The following SBF2 variants were observed in gnomAD, a reference collection of about 807,000 sequenced individuals.
SBF2 encodes the protein myotubularin-related protein 13.
A neutral mutation model predicts 225.2 loss-of-function variants in SBF2; 112 were observed. The ratio of observed to expected loss-of-function variants is 0.50; its 90% CI spans 0.43 to 0.58. The LOEUF (loss-of-function observed/expected upper bound fraction) is 0.58, where lower values mean the gene tolerates loss of function less well. Ranked by LOEUF, SBF2 falls within the 20% of genes least tolerant of loss-of-function variation. The pLI is 0.00. For missense variants in SBF2, 1,996 were observed against 2,206.2 expected, an observed-to-expected ratio of 0.90 and a Z score of 1.91; for synonymous variants, 763 against 773.3, an observed-to-expected ratio of 0.99 and a Z score of 0.22.
chr11:10,189,367 C>G (rs1386912711), intron 2 of SBF2, among the ~76,000 whole-genome samples: 1 of 152,164 alleles, frequency 6.6e-6, no homozygotes, highest in African/African-American at 2.4e-5. Context: ...TCTCTTCTAA[C>G]CAAACAGTAT....
Position 9,789,453 on chromosome 11 carries a change from G to A in SBF2, c.4699-111C>T, listed in dbSNP as rs761043760. 36 of 715,564 alleles carry A rather than the reference G, an allele frequency of 5.0e-5. 1 individual carries two copies. Among genetic ancestry groups the A allele is most frequent in the Non-Finnish European group, 8.7e-5 (35 of 402,572 alleles). 44.3% of individuals were successfully genotyped at this position (715,564 alleles called of 1,614,324 possible). ...GTCCAGGGGAGGAAGAGTATGAATG[G>A]AGTTCAAATACCATATTTCTAAATA... is the stretch of plus-strand genomic sequence containing the variant. On this transcript the variant is annotated intron_variant, in intron 34 of 39. Transcript: ENST00000256190.
At chr11:10,043,394 T>C (rs1949731577) in intron 2 of SBF2, among the ~76,000 whole-genome samples, 1 of 152,134 alleles carries the variant, frequency 6.6e-6, no homozygotes. Context: ...CTTCAATTCA[T>C]TACAAAAAAA....
intron 2 of SBF2, among the ~76,000 whole-genome samples, chr11:10,159,344 T>C (rs1048393759): frequency 7.9e-5 from 12 of 152,352 alleles, no homozygotes; most frequent in Admixed American, 2.6e-4. Flanking sequence ...TTAGAAATTA[T>C]GGTTTAGGAG....
At chr11:9,947,601 T>C (rs1314013939) in intron 16 of SBF2, among the ~76,000 whole-genome samples, 1 of 152,174 alleles carries the variant, frequency 6.6e-6, no homozygotes, top group Non-Finnish European at 1.5e-5. Flanking sequence ...GATTGGAAGG[T>C]GGAAGTGAAG....
At chr11:9,864,602 G>T (rs970318537) in intron 17 of SBF2, among the ~76,000 whole-genome samples, 1 of 152,072 alleles carries the variant, frequency 6.6e-6, no homozygotes, top group Non-Finnish European at 1.5e-5. Context: ...GCCTAGGCTG[G>T]TATCAAACTC....
chr11:9,822,176 CTG>C (rs1854791553), intron 28 of SBF2, among the ~76,000 whole-genome samples: 1 of 151,642 alleles, frequency 6.6e-6, no homozygotes, highest in Non-Finnish European at 1.5e-5. Flanking sequence ...GATGAAGACA[CTG>C]AGAATTAAGA....
intron 1 of SBF2, among the ~76,000 whole-genome samples, chr11:10,301,277 A>G (rs1437547926): frequency 6.6e-6 from 1 of 152,174 alleles, no homozygotes; most frequent in Non-Finnish European, 1.5e-5. Context: ...TTTATACTTT[A>G]ATCGGTTTAT....
intron 16 of SBF2, among the ~76,000 whole-genome samples, chr11:9,930,306 C>G (rs1194772426): frequency 1.3e-5 from 2 of 152,016 alleles, no homozygotes; most frequent in African/African-American, 2.4e-5. Context: ...AAGGAATGAT[C>G]TATTGATGCA....
At chr11:9,846,552 T>A (rs552536651) in intron 23 of SBF2, among the ~76,000 whole-genome samples, 10 of 152,230 alleles carry the variant, frequency 6.6e-5, no homozygotes, top group South Asian at 2.1e-4. Context: ...CTAGTACCAA[T>A]AGAACTTTAG....
At chr11:9,889,834 G>C (rs1860644561) in intron 17 of SBF2, among the ~76,000 whole-genome samples, 3 of 152,180 alleles carry the variant, frequency 2.0e-5, no homozygotes, top group Admixed American at 1.3e-4. Flanking sequence ...CTGGGGATGG[G>C]GAGCAACTGA....
chr11:10,214,312 AC>A (rs1419439309), intron 1 of SBF2, among the ~76,000 whole-genome samples: 1 of 151,784 alleles, frequency 6.6e-6, no homozygotes, highest in Non-Finnish European at 1.5e-5. Flanking sequence ...ACTGCTTTAA[AC>A]TCTACAGTGG....
chr11:9,864,569 T>C lies in SBF2; in HGVS notation c.1930-6173A>G, dbSNP rs113999242. Among the ~76,000 whole-genome samples the C allele has an allele frequency of 6.3e-3, 966 of 152,206 alleles. 8 individuals carry two copies. The highest frequency in any genetic ancestry group is 0.022 in the African/African-American group (923 of 41,524). ...GCCTGGCTAATTTCTGTATTTTTTG[T>C]AGAGATGGGGCCTCACTTTGTTGCC... On this transcript the variant is annotated intron_variant, in intron 17 of 39. Transcript: ENST00000256190.
chr11:9,951,179 T>C (rs1865834123), intron 16 of SBF2, among the ~76,000 whole-genome samples: 1 of 152,064 alleles, frequency 6.6e-6, no homozygotes, highest in African/African-American at 2.4e-5. Context: ...AGAAACAGTG[T>C]TCCAAACAAA....
rs950576891 is a variant in SBF2 at position 9,941,444 on chromosome 11, G to C, written c.1860+20513C>G. 2.0e-5 allele frequency among the ~76,000 whole-genome samples: 3 copies of C among 152,316 alleles called. No homozygotes were observed. The South Asian group carries it at 6.2e-4, about 32-fold the overall frequency. ...TTTCACTCTAACATAAAGTGTTTCAGAGAAGAGATACAGAGGAATACTCCC... is the reference window on the plus strand; with the variant it reads ...TTTCACTCTAACATAAAGTGTTTCACAGAAGAGATACAGAGGAATACTCCC... On this transcript the variant is annotated intron_variant, in intron 16 of 39. Coordinates refer to ENST00000256190, the MANE Select transcript of SBF2 (RefSeq NM_030962.4).
intron 16 of SBF2, among the ~76,000 whole-genome samples, chr11:9,924,234 A>G (rs567300404): frequency 1.4e-4 from 21 of 152,316 alleles, no homozygotes; most frequent in African/African-American, 5.1e-4. Context: ...GTACCCACAC[A>G]ATCATTCTAT....
chr11:10,230,961 T>G (rs902788788), intron 1 of SBF2, among the ~76,000 whole-genome samples: 5 of 152,188 alleles, frequency 3.3e-5, no homozygotes, highest in African/African-American at 9.7e-5. Flanking sequence ...CAGACATAGA[T>G]TTGGTCTTTT....
chr11:10,190,148 T>C (rs1957104494), intron 2 of SBF2, among the ~76,000 whole-genome samples: 1 of 5,420 alleles, frequency 1.8e-4, no homozygotes, highest in African/African-American at 6.9e-4. Context: ...TGAAACTCCG[T>C]CTAAAAAAAA....
chr11:9,797,072 T>C (rs1446953302), intron 32 of SBF2, among the ~76,000 whole-genome samples: 3 of 152,220 alleles, frequency 2.0e-5, no homozygotes, highest in Non-Finnish European at 4.4e-5. Context: ...ATAATTGTAC[T>C]TGCTCAAAAG....
intron 2 of SBF2, among the ~76,000 whole-genome samples, chr11:10,131,670 A>C (rs1252017774): frequency 6.6e-6 from 1 of 152,038 alleles, no homozygotes; most frequent in Non-Finnish European, 1.5e-5. Flanking sequence ...CAAACTCCTG[A>C]CCTCAAGTGA....
Sources: allele counts gnomAD v4.1 joint callset (sites outside exome capture counted in the v4.1 genomes callset), GRCh38; gene constraint gnomAD v4.1.1; transcripts MANE v1.5; gene names NCBI Gene and HGNC (gene_info 2026-07-23, HGNC 2026-07-21).